Variants in GLIS3 observed in about 807,000 individuals in gnomAD.
GLIS3 encodes the protein GLIS family zinc finger 3.
GLIS3 carries 53 observed loss-of-function variants against 78.6 expected under a neutral mutation model. That is an observed-to-expected ratio of 0.67 (90% CI 0.54 to 0.85). The LOEUF (loss-of-function observed/expected upper bound fraction) is 0.85, where lower values mean the gene tolerates loss of function less well. Among genes scored for constraint, GLIS3 ranks in the 40% least tolerant of loss-of-function variants. The pLI is 0.00. For synonymous variants in GLIS3, 684 were observed against 509.9 expected (o/e 1.34, Z -4.60); for missense variants, 1,703 against 1,231.1 (o/e 1.38, Z -5.74).
At chr9:4,451,683 G>C in the GLIS3 span, among the ~76,000 whole-genome samples, 1 of 152,072 alleles carries the variant, frequency 6.6e-6, no homozygotes, top group East Asian at 1.9e-4. Context: ...TAGAACCCAG[G>C]ATAAAGAAAC....
At chr9:3,847,051 G>A (rs985787528) in intron 9 of GLIS3, among the ~76,000 whole-genome samples, 4 of 152,116 alleles carry the variant, frequency 2.6e-5, no homozygotes, top group Non-Finnish European at 5.9e-5. Flanking sequence ...AGGTGCAGTG[G>A]CAAGCGCCTG....
At chr9:4,484,381 G>C in the GLIS3 span, among the ~76,000 whole-genome samples, 1 of 145,392 alleles carries the variant, frequency 6.9e-6, no homozygotes, top group East Asian at 2.0e-4. Context: ...GGGACCACAG[G>C]TGTGTGCTAC....
At chr9:4,229,579 G>A (rs1822079082) in intron 2 of GLIS3, among the ~76,000 whole-genome samples, 1 of 152,066 alleles carries the variant, frequency 6.6e-6, no homozygotes, top group African/African-American at 2.4e-5. Flanking sequence ...CCTGAAGCAC[G>A]GATATTTTCT....
the GLIS3 span, among the ~76,000 whole-genome samples, chr9:4,432,188 T>C: frequency 1.3e-5 from 2 of 152,096 alleles, no homozygotes; most frequent in South Asian, 2.1e-4. Context: ...ACAATGTTTC[T>C]AAAGTGCCTC....
the GLIS3 span, among the ~76,000 whole-genome samples, chr9:4,472,430 A>G: frequency 6.6e-6 from 1 of 152,240 alleles, no homozygotes; most frequent in Non-Finnish European, 1.5e-5. Context: ...TGCAGCCATA[A>G]AAAAGGATGA....
intron 2 of GLIS3, among the ~76,000 whole-genome samples, chr9:4,335,984 A>G (rs1817750433): frequency 6.6e-6 from 1 of 152,238 alleles, no homozygotes; most frequent in African/African-American, 2.4e-5. Context: ...AAGAAAGGGC[A>G]GGGAGCAAGC....
Position 4,053,705 on chromosome 9 carries a change from T to TAAAAAAAAAAAAAAAAAAAAAAAAA in GLIS3, c.1710+64062_1710+64063insTTTTTTTTTTTTTTTTTTTTTTTTT, listed in dbSNP as rs760535978. 1.2e-3 allele frequency among the ~76,000 whole-genome samples: 110 copies of TAAAAAAAAAAAAAAAAAAAAAAAAA among 91,114 alleles called. 7 individuals carry two copies. Among genetic ancestry groups the TAAAAAAAAAAAAAAAAAAAAAAAAA allele is most frequent in the African/African-American group, 3.9e-3 (109 of 28,046 alleles). 59.8% of individuals were successfully genotyped at this position (91,114 alleles called of 152,430 possible). On this transcript the variant is annotated intron_variant, in intron 4 of 10. Transcript: ENST00000381971. ...AGTGCCTACTTGTTTTCTTTCTTCATAAAAAAAAAAAAAAAAAATTCTGGA... is the reference window on the plus strand; with the variant it reads ...AGTGCCTACTTGTTTTCTTTCTTCATAAAAAAAAAAAAAAAAAAAAAAAAAAAAAAAAAAAAAAAAAAATTCTGGA...
chr9:4,050,282 T>G (rs1185293501), intron 4 of GLIS3, among the ~76,000 whole-genome samples: 1 of 152,050 alleles, frequency 6.6e-6, no homozygotes, highest in Non-Finnish European at 1.5e-5. Context: ...AAAGGGTGAG[T>G]TCATGTCCTT....
intron 2 of GLIS3, among the ~76,000 whole-genome samples, chr9:4,238,939 G>A (rs1341728261): frequency 2.0e-5 from 3 of 151,992 alleles, no homozygotes; most frequent in African/African-American, 4.8e-5. Flanking sequence ...CAAAACAAAC[G>A]TTGTTTTTTG....
the GLIS3 span, among the ~76,000 whole-genome samples, chr9:4,393,134 T>C: frequency 1.3e-5 from 2 of 152,196 alleles, no homozygotes; most frequent in African/African-American, 4.8e-5. Context: ...AATAATAGTA[T>C]AAGGAACTCT....
chr9:3,992,295 T>C lies in GLIS3; in HGVS notation c.1711-55106A>G, dbSNP rs565155666. 1.4e-4 allele frequency among the ~76,000 whole-genome samples: 21 copies of C among 152,278 alleles called. No individual in the cohort carries two copies. In the South Asian group the frequency reaches 3.9e-3, roughly 29 times the overall value. On this transcript the variant is annotated intron_variant, in intron 4 of 10. Coordinates refer to ENST00000381971, the MANE Select transcript of GLIS3 (RefSeq NM_001042413.2). ...GAAAAAGTGATTCATTTCAGTTATATGAAATGTGAAAGAAAACTAAAGAAA... is the reference window on the plus strand; with the variant it reads ...GAAAAAGTGATTCATTTCAGTTATACGAAATGTGAAAGAAAACTAAAGAAA...
intron 2 of GLIS3, among the ~76,000 whole-genome samples, chr9:4,198,430 T>C (rs540653763): frequency 2.9e-5 from 4 of 138,526 alleles, no homozygotes; most frequent in African/African-American, 8.4e-5. Context: ...ATTTCATCAA[T>C]AGACTGAACC....
At chr9:4,400,710 T>C in the GLIS3 span, among the ~76,000 whole-genome samples, 1 of 152,196 alleles carries the variant, frequency 6.6e-6, no homozygotes, top group African/African-American at 2.4e-5. Context: ...TCATCTTGCA[T>C]CTTGGATACC....
At chr9:4,248,556 G>C (rs940808253) in intron 2 of GLIS3, among the ~76,000 whole-genome samples, 1 of 152,176 alleles carries the variant, frequency 6.6e-6, no homozygotes, top group East Asian at 1.9e-4. Context: ...ATATATGTGT[G>C]CATGTGTCTT....
At chr9:3,851,937 G>A (rs1342549226) in intron 9 of GLIS3, among the ~76,000 whole-genome samples, 1 of 152,200 alleles carries the variant, frequency 6.6e-6, no homozygotes, top group Non-Finnish European at 1.5e-5. Context: ...GAGGTCAGGA[G>A]TTTGAGATCA....
intron 4 of GLIS3, among the ~76,000 whole-genome samples, chr9:4,031,443 T>C (rs1823824273): frequency 6.6e-6 from 1 of 152,134 alleles, no homozygotes; most frequent in African/African-American, 2.4e-5. Context: ...TGCAAGTACA[T>C]AGAGACAAAA....
chr9:4,022,219 A>T (rs1177559554), intron 4 of GLIS3, among the ~76,000 whole-genome samples: 1 of 152,202 alleles, frequency 6.6e-6, no homozygotes, highest in Non-Finnish European at 1.5e-5. Flanking sequence ...GAGGCCTTAG[A>T]GAGATTAAGC....
At chr9:4,164,518 C>T (rs1470172016) in intron 2 of GLIS3, among the ~76,000 whole-genome samples, 1 of 152,176 alleles carries the variant, frequency 6.6e-6, no homozygotes, top group Non-Finnish European at 1.5e-5. Flanking sequence ...AGGATTAACT[C>T]GACTGTGAAA....
chr9:4,109,475 T>A (rs1831036692), intron 4 of GLIS3, among the ~76,000 whole-genome samples: 1 of 152,210 alleles, frequency 6.6e-6, no homozygotes, highest in Non-Finnish European at 1.5e-5. Flanking sequence ...GCTGATCACT[T>A]GGCATAAGAT....
Sources: allele counts gnomAD v4.1 joint callset (sites outside exome capture counted in the v4.1 genomes callset), GRCh38; gene constraint gnomAD v4.1.1; transcripts MANE v1.5; gene names NCBI Gene and HGNC (gene_info 2026-07-23, HGNC 2026-07-21).